The following NEK10 variants were observed in gnomAD, a reference collection of about 807,000 sequenced individuals.
The protein encoded by NEK10 is serine/threonine-protein kinase Nek10.
NEK10 carries 122 observed loss-of-function variants against 159.8 expected under a neutral mutation model. That is an observed-to-expected ratio of 0.76 (90% CI 0.66 to 0.89). The LOEUF is 0.89. Among genes scored for constraint, NEK10 ranks in the 40% least tolerant of loss-of-function variants. The pLI is 0.00. For synonymous variants in NEK10, 466 were observed against 457.1 expected, an observed-to-expected ratio of 1.02 and a Z score of -0.25; for missense variants, 1,342 against 1,323.1, an observed-to-expected ratio of 1.01 and a Z score of -0.22.
At chr3:27,120,436 C>G (rs142014885) in intron 32 of NEK10, among the ~76,000 whole-genome samples, 1,827 of 151,778 alleles carry the variant, frequency 0.012, 38 homozygotes, top group African/African-American at 0.042. Context: ...GATTCTCCTG[C>G]CTCAGCCTCC....
At chr3:27,336,562 C>T (rs2046816952) in intron 5 of NEK10, among the ~76,000 whole-genome samples, 2 of 152,066 alleles carry the variant, frequency 1.3e-5, no homozygotes, top group Non-Finnish European at 2.9e-5. Context: ...AACTATAGAA[C>T]AGTATCCCTA....
intron 1 of NEK10, among the ~76,000 whole-genome samples, chr3:27,354,301 G>T (rs994234474): frequency 1.3e-5 from 2 of 152,082 alleles, no homozygotes. Flanking sequence ...TTATTCTCTT[G>T]CTTAATTTCC....
intron 6 of NEK10, among the ~76,000 whole-genome samples, chr3:27,317,960 G>A (rs1445022037): frequency 2.6e-5 from 4 of 151,954 alleles, no homozygotes; most frequent in Non-Finnish European, 4.4e-5. Context: ...CCGCCACCAC[G>A]CCCGGCTAAT....
At chr3:27,137,648 T>C (rs949863106) in intron 31 of NEK10, among the ~76,000 whole-genome samples, 1 of 152,218 alleles carries the variant, frequency 6.6e-6, no homozygotes, top group African/African-American at 2.4e-5. Context: ...CTTCACCCTC[T>C]TTTACGTAAT....
chr3:27,223,576 C>A (rs1485085476), intron 23 of NEK10, among the ~76,000 whole-genome samples: 1 of 152,208 alleles, frequency 6.6e-6, no homozygotes, highest in South Asian at 2.1e-4. Flanking sequence ...TTTCTCACAT[C>A]GTGTCTGACA....
intron 18 of NEK10, 77 bp from the exon 19 acceptor site, chr3:27,290,831 T>C (rs2042947396): frequency 8.7e-7 from 1 of 1,143,056 alleles, no homozygotes; most frequent in Non-Finnish European, 1.2e-6. Flanking sequence ...AAGAAAGAGA[T>C]AGACTAACAA....
At chr3:27,256,977 G>A (rs1482327711) in intron 22 of NEK10, among the ~76,000 whole-genome samples, 1 of 142,790 alleles carries the variant, frequency 7.0e-6, no homozygotes, top group East Asian at 2.0e-4. Flanking sequence ...GTGCAGTGGT[G>A]CGATCTCGGC....
chr3:27,265,951 T>C (rs6551190), intron 22 of NEK10, among the ~76,000 whole-genome samples: 38,917 of 151,338 alleles, frequency 0.26, 5,157 homozygotes, highest in Middle Eastern at 0.38. Flanking sequence ...GGACTACAGG[T>C]GTCCGCCACC....
chr3:27,181,504 G>A (rs559549930), intron 26 of NEK10, among the ~76,000 whole-genome samples: 1 of 152,054 alleles, frequency 6.6e-6, no homozygotes, highest in African/African-American at 2.4e-5. Flanking sequence ...AGTGGCAAAG[G>A]CAGAAGAAAA....
intron 22 of NEK10, among the ~76,000 whole-genome samples, chr3:27,271,201 A>G (rs1449788368): frequency 1.3e-5 from 2 of 151,496 alleles, no homozygotes; most frequent in Admixed American, 6.6e-5. Context: ...CTATCTACCT[A>G]TCTATCTGTC....
In NEK10 at chr3:27,284,720, A is replaced by G; in HGVS notation, c.1912-16T>C. 2 of 1,582,750 alleles carry G rather than the reference A, an allele frequency of 1.3e-6. No individual in the cohort carries two copies. Among genetic ancestry groups the G allele is most frequent in the Non-Finnish European group, 1.7e-6 (2 of 1,151,864 alleles). On this transcript the variant is annotated splice_polypyrimidine_tract_variant and intron_variant, in intron 21 of 35. Coordinates refer to ENST00000691995, the MANE Select transcript of NEK10 (RefSeq NM_001394966.1). ...CTAAGCACAGCTTGAAACAATGAAT[A>G]GAAAACAAATTTTATTTCCCCCAAC...
chr3:27,356,667 G>A (rs919710326), intron 1 of NEK10, among the ~76,000 whole-genome samples: 2 of 152,046 alleles, frequency 1.3e-5, no homozygotes, highest in Non-Finnish European at 2.9e-5. Context: ...ATCTCACACT[G>A]GCTTCTCCAT....
intron 22 of NEK10, among the ~76,000 whole-genome samples, chr3:27,257,441 A>T (rs1177562284): frequency 6.6e-6 from 1 of 152,216 alleles, no homozygotes; most frequent in African/African-American, 2.4e-5. Context: ...ATTTCACTGG[A>T]ACAAACTTCA....
chr3:27,213,485 C>T (rs1045946677), intron 23 of NEK10, among the ~76,000 whole-genome samples: 23 of 152,242 alleles, frequency 1.5e-4, no homozygotes, highest in African/African-American at 5.3e-4. Context: ...AAAAAATGAG[C>T]AATTGTCCAA....
At chr3:27,337,032 G>T (rs554701304) in intron 5 of NEK10, among the ~76,000 whole-genome samples, 2 of 151,962 alleles carry the variant, frequency 1.3e-5, no homozygotes, top group East Asian at 3.9e-4. Flanking sequence ...ACATTTGGCG[G>T]GGGGGAAAGG....
chr3:27,226,532 T>C (rs1287317966), intron 23 of NEK10, among the ~76,000 whole-genome samples: 3 of 152,194 alleles, frequency 2.0e-5, no homozygotes, highest in African/African-American at 7.2e-5. Context: ...TCAGATGCCC[T>C]GGGCAAAGTG....
In NEK10 at chr3:27,280,912, G is replaced by GGTGTGTGTGT. The variant is rs148929788; in HGVS notation, c.2014+3680_2014+3689dup. On this transcript the variant is annotated intron_variant, in intron 22 of 35. Coordinates refer to ENST00000691995, the MANE Select transcript of NEK10 (RefSeq NM_001394966.1). ...TATATGTGTGTGTATATGTACATAT[G>GGTGTGTGTGT]GTGTGTGTGTGTGTGTGTGTGTGTG... 4.4e-3 allele frequency among the ~76,000 whole-genome samples: 611 copies of GGTGTGTGTGT among 137,700 alleles called. 4 individuals carry two copies. Among genetic ancestry groups the GGTGTGTGTGT allele is most frequent in the African/African-American group, 0.014 (544 of 39,512 alleles). The allele number at this position is 137,700 out of a possible 152,430, so 90.3% of individuals were successfully genotyped here.
chr3:27,305,250 A>G lies in NEK10; in HGVS notation c.804-279T>C, dbSNP rs191784083. ...AATTCGCATCCCTATGTTAAAATAAATCTTTATTTACAAAAATAAGCAGTG... is the reference window on the plus strand; with the variant it reads ...AATTCGCATCCCTATGTTAAAATAAGTCTTTATTTACAAAAATAAGCAGTG... On this transcript the variant is annotated intron_variant, in intron 11 of 35. Transcript: ENST00000691995. Among the ~76,000 whole-genome samples, 443 of 152,354 alleles carry G rather than the reference A, an allele frequency of 2.9e-3. 2 individuals carry two copies. The highest frequency in any genetic ancestry group is 0.01 in the African/African-American group (424 of 41,582).
rs145767378 is a variant in NEK10 at position 27,151,075 on chromosome 3, G to A, written c.2870-9493C>T. ...CTGATGGTTCTTTCCTACCCACCCT[G>A]GTAGCGGAAGACAAAGGACGTATAA... On this transcript the variant is annotated intron_variant, in intron 30 of 35. Transcript: ENST00000691995. Among the ~76,000 whole-genome samples, 360 of 152,058 alleles carry A rather than the reference G, an allele frequency of 2.4e-3. 1 individual carries two copies. The highest frequency in any genetic ancestry group is 3.5e-3 in the Non-Finnish European group (236 of 68,000).
Sources: allele counts gnomAD v4.1 joint callset (sites outside exome capture counted in the v4.1 genomes callset), GRCh38; gene constraint gnomAD v4.1.1; transcripts MANE v1.5; gene names NCBI Gene and HGNC (gene_info 2026-07-23, HGNC 2026-07-21).